Variants in MECOM observed in about 807,000 individuals in gnomAD.
MECOM encodes MDS1 and EVI1 complex locus.
In MECOM, 13 loss-of-function variants were observed where a neutral mutation model predicts 116.3. The ratio of observed to expected loss-of-function variants is 0.11; its 90% CI spans 0.07 to 0.18. The LOEUF (loss-of-function observed/expected upper bound fraction) is 0.18, where lower values mean the gene tolerates loss of function less well. Among genes scored for constraint, MECOM ranks in the 10% least tolerant of loss-of-function variants. The pLI, the probability that MECOM is intolerant of heterozygous loss-of-function variation, is 1.00. For missense variants in MECOM, 1,299 were observed against 1,509.0 expected (o/e 0.86, Z 2.31); for synonymous variants, 528 against 535.2 (o/e 0.99, Z 0.19).
At chr3:169,644,515 C>T (rs567526176) in intron 1 of MECOM, among the ~76,000 whole-genome samples, 489 of 152,242 alleles carry the variant, frequency 3.2e-3, no homozygotes, top group Non-Finnish European at 4.2e-3. Context: ...CCTCTCCCTC[C>T]CAAAGTGCTG....
intron 1 of MECOM, among the ~76,000 whole-genome samples, chr3:169,565,572 G>T (rs1326715719): frequency 6.6e-6 from 1 of 152,112 alleles, no homozygotes; most frequent in African/African-American, 2.4e-5. Flanking sequence ...ATACTGCCCA[G>T]CCATGGCTTC....
intron 2 of MECOM, among the ~76,000 whole-genome samples, chr3:169,307,788 G>A (rs1430817851): frequency 1.3e-5 from 2 of 151,924 alleles, no homozygotes; most frequent in African/African-American, 4.8e-5. Context: ...ACTCCTATAG[G>A]GAACCACTGC....
chr3:169,399,850 G>A (rs1735594433), intron 1 of MECOM, among the ~76,000 whole-genome samples: 1 of 152,114 alleles, frequency 6.6e-6, no homozygotes, highest in South Asian at 2.1e-4. Flanking sequence ...TGTTCAAATA[G>A]AAGAATTAAT....
chr3:169,540,717 C>G (rs1317984538), intron 1 of MECOM, among the ~76,000 whole-genome samples: 1 of 152,196 alleles, frequency 6.6e-6, no homozygotes, highest in African/African-American at 2.4e-5. Flanking sequence ...CATTTGGCCT[C>G]CAGTAACTTG....
At chr3:169,298,125 A>C (rs1715988371) in intron 2 of MECOM, among the ~76,000 whole-genome samples, 1 of 152,220 alleles carries the variant, frequency 6.6e-6, no homozygotes, top group South Asian at 2.1e-4. Context: ...TGGGAGAAGA[A>C]CCAATTTCCT....
chr3:169,619,297 C>G (rs576992011), intron 1 of MECOM, among the ~76,000 whole-genome samples: 1 of 152,338 alleles, frequency 6.6e-6, no homozygotes, highest in African/African-American at 2.4e-5. Context: ...GGAGGGATTA[C>G]TGCTCGGTGC....
chr3:169,112,097 T>C (rs1022805602), intron 9 of MECOM, among the ~76,000 whole-genome samples: 2 of 152,172 alleles, frequency 1.3e-5, no homozygotes, highest in African/African-American at 4.8e-5. Flanking sequence ...ATTTGTTCTT[T>C]CAATACGATT....
intron 10 of MECOM, among the ~76,000 whole-genome samples, chr3:169,105,071 G>A (rs1017228170): frequency 6.6e-6 from 1 of 152,110 alleles, no homozygotes; most frequent in African/African-American, 2.4e-5. Flanking sequence ...AGCGAGCTGA[G>A]GGTAACTATT....
chr3:169,431,628 G>A (rs949894583), intron 1 of MECOM, among the ~76,000 whole-genome samples: 12 of 152,262 alleles, frequency 7.9e-5, no homozygotes, highest in Admixed American at 2.6e-4. Context: ...ATTCAAAGTC[G>A]CACAGACTAA....
intron 1 of MECOM, among the ~76,000 whole-genome samples, chr3:169,662,109 C>G (rs113803671): frequency 6.6e-6 from 1 of 152,232 alleles, no homozygotes; most frequent in African/African-American, 2.4e-5. Flanking sequence ...AAAGTGTGGG[C>G]CCCGCCGGCA....
At chr3:169,396,400 G>A (rs1735030672) in intron 1 of MECOM, among the ~76,000 whole-genome samples, 2 of 152,182 alleles carry the variant, frequency 1.3e-5, no homozygotes, top group South Asian at 4.2e-4. Flanking sequence ...TTTCCAATTG[G>A]GATGTGCTGT....
intron 2 of MECOM, among the ~76,000 whole-genome samples, chr3:169,363,295 T>C: frequency 6.6e-6 from 1 of 152,022 alleles, no homozygotes; most frequent in East Asian, 1.9e-4. Flanking sequence ...GCTTGTTGAA[T>C]TAAATGATAA....
intron 1 of MECOM, among the ~76,000 whole-genome samples, chr3:169,497,525 T>C (rs1753972809): frequency 6.6e-6 from 1 of 152,058 alleles, no homozygotes. Flanking sequence ...TTTTTTCTTT[T>C]ACTGGTATTT....
At chr3:169,391,829 G>A (rs372007490) in intron 1 of MECOM, among the ~76,000 whole-genome samples, 24 of 152,240 alleles carry the variant, frequency 1.6e-4, no homozygotes, top group African/African-American at 5.8e-4. Context: ...ATAACTAGTA[G>A]CATTAGGTGG....
chr3:169,124,894 C>T (rs2149149467), intron 5 of MECOM, among the ~76,000 whole-genome samples: 1 of 152,076 alleles, frequency 6.6e-6, no homozygotes, highest in South Asian at 2.1e-4. Flanking sequence ...AATATCAGTA[C>T]CAATTAAGAC....
intron 16 of MECOM, among the ~76,000 whole-genome samples, chr3:169,087,328 T>G (rs1560103926): frequency 6.6e-6 from 1 of 152,076 alleles, no homozygotes; most frequent in Non-Finnish European, 1.5e-5. Context: ...GTGCAATGGG[T>G]CACACCTATA....
At chr3:169,127,481 C>A (rs1373386517) in intron 5 of MECOM, among the ~76,000 whole-genome samples, 1 of 152,104 alleles carries the variant, frequency 6.6e-6, no homozygotes, top group African/African-American at 2.4e-5. Context: ...TTTAAAAAAT[C>A]ATCTGAATGT....
chr3:169,364,899 G>T lies in MECOM; in HGVS notation c.375+16288C>A, dbSNP rs1055827164. ...CATCTACCGTATTTAATGCAAGGAT[G>T]TCATCTTTGATTCCTGGCTTGCATA... On this transcript the variant is annotated intron_variant, in intron 2 of 16. Transcript: ENST00000651503. Among the ~76,000 whole-genome samples the T allele has an allele frequency of 2.0e-5, 3 of 152,020 alleles. No homozygotes were observed. In the South Asian group the frequency reaches 6.2e-4, roughly 31 times the overall value.
At chr3:169,225,463 T>C (rs951057782) in intron 2 of MECOM, among the ~76,000 whole-genome samples, 1 of 152,174 alleles carries the variant, frequency 6.6e-6, no homozygotes, top group African/African-American at 2.4e-5. Flanking sequence ...CCCTGTCTTA[T>C]CAAGGACTGG....
Sources: gnomAD v4.1 joint callset for allele counts (sites outside exome capture counted in the v4.1 genomes callset) on GRCh38, gnomAD v4.1.1 for gene constraint, MANE v1.5 for transcripts, NCBI Gene and HGNC (gene_info 2026-07-23, HGNC 2026-07-21) for gene names.